Variants in SUPV3L1 observed in about 807,000 individuals in gnomAD.
SUPV3L1 encodes the protein ATP-dependent RNA helicase SUPV3L1, mitochondrial.
Under a neutral mutation model 70.0 loss-of-function variants are expected in SUPV3L1, and 35 were observed. The ratio of observed to expected loss-of-function variants is 0.50; its 90% CI spans 0.38 to 0.66. SUPV3L1 has a LOEUF of 0.66. Among genes scored for constraint, SUPV3L1 ranks in the 30% least tolerant of loss-of-function variants. The probability of loss-of-function intolerance (pLI) is 0.00; values close to 1 mark genes in which losing one functional copy is unlikely to be tolerated. For missense variants in SUPV3L1, 777 were observed against 961.5 expected (o/e 0.81, Z 2.54); for synonymous variants, 364 against 341.9 (o/e 1.06, Z -0.71).
chr10:69,184,616 T>TACACACACACACACACACACACACAC (rs59328806), intron 1 of SUPV3L1, among the ~76,000 whole-genome samples: 3 of 146,062 alleles, frequency 2.1e-5, no homozygotes, highest in Non-Finnish European at 3.0e-5. Flanking sequence ...GAAATATAAA[T>TACACACACACACACACACACACACAC]ACACACACAC....
At chr10:69,180,836 T>G (rs1445334659) in intron 1 of SUPV3L1, among the ~76,000 whole-genome samples, 1 of 152,178 alleles carries the variant, frequency 6.6e-6, no homozygotes. Flanking sequence ...GTTGGGAAGA[T>G]TTGACTTTTT....
chr10:69,190,240 T>C (rs1842357811), intron 5 of SUPV3L1, among the ~76,000 whole-genome samples: 1 of 152,214 alleles, frequency 6.6e-6, no homozygotes, highest in Admixed American at 6.5e-5. Context: ...TTACCTTTTA[T>C]AGATTAGACC....
At position 69,198,104 on chromosome 10, in the gene SUPV3L1, C is replaced by G. The variant is rs10998636; in HGVS notation, c.1024-268C>G. On this transcript the variant is annotated intron_variant, in intron 8 of 14. Coordinates refer to ENST00000359655, the MANE Select transcript of SUPV3L1 (RefSeq NM_003171.5). The stretch of plus-strand genomic sequence containing the variant: ...GTTAATAACCTTTCTGAACTTAACA[C>G]ATTGCCGTGAAAATGAAATATATGA... Among the ~76,000 whole-genome samples, 6,348 of 152,222 alleles carry G rather than the reference C, an allele frequency of 0.042. 465 individuals are homozygous for G. Among genetic ancestry groups the G allele is most frequent in the African/African-American group, 0.14 (5,975 of 41,506 alleles).
At chr10:69,208,052 T>TA (rs774240214) in intron 14 of SUPV3L1, 111 bp downstream of exon 14, 1 of 1,305,242 alleles carries the variant, frequency 7.7e-7, no homozygotes, top group Non-Finnish European at 1.1e-6. Context: ...AGATGCTCTA[T>TA]ATTATGTCTA....
intron 10 of SUPV3L1, 106 bp from the exon 11 acceptor site, chr10:69,200,174 G>A (rs971781676): frequency 4.6e-6 from 4 of 862,272 alleles, no homozygotes; most frequent in Non-Finnish European, 7.1e-6. Flanking sequence ...TGGCAGTCAA[G>A]GTTGCAAGAG....
chr10:69,185,380 C>T (rs1221514220), intron 1 of SUPV3L1, among the ~76,000 whole-genome samples: 1 of 152,198 alleles, frequency 6.6e-6, no homozygotes, highest in East Asian at 1.9e-4. Flanking sequence ...AAGTGAATGA[C>T]AGTGTGGCTC....
intron 7 of SUPV3L1, among the ~76,000 whole-genome samples, chr10:69,196,470 C>T (rs1014222829): frequency 6.6e-6 from 1 of 151,486 alleles, no homozygotes; most frequent in African/African-American, 2.4e-5. Context: ...CACTGCACTC[C>T]AGCCTGGGCG....
intron 4 of SUPV3L1, 87 bp from the exon 5 acceptor site, chr10:69,189,180 T>G: frequency 7.1e-7 from 1 of 1,399,940 alleles, no homozygotes; most frequent in Non-Finnish European, 9.7e-7. Flanking sequence ...AAGAGGATAT[T>G]TCATTTGGAA....
At chr10:69,196,504 G>GA (rs570659205) in intron 7 of SUPV3L1, among the ~76,000 whole-genome samples, 87 of 134,476 alleles carry the variant, frequency 6.5e-4, no homozygotes, top group Admixed American at 1.6e-3. Flanking sequence ...CTGTCTCATG[G>GA]AAAAAAAAAA....
At chr10:69,204,000 C>T (rs1478726134) in intron 13 of SUPV3L1, among the ~76,000 whole-genome samples, 9 of 152,132 alleles carry the variant, frequency 5.9e-5, no homozygotes, top group Non-Finnish European at 1.0e-4. Flanking sequence ...GCTGGGATTA[C>T]AGGCATGAGC....
At chr10:69,195,397 G>A in intron 7 of SUPV3L1, 132 bp downstream of exon 7, 1 of 470,344 alleles carries the variant, frequency 2.1e-6, no homozygotes. Context: ...AGTAAACTAA[G>A]TATGAGTTTT....
In SUPV3L1 at chr10:69,208,654, A is replaced by G; in HGVS notation, c.1980A>G (p.Lys660=). The change falls in exon 15 of 15, where the codon AAA becomes AAG. Residue 660 remains lysine (K), a synonymous_variant. Transcript: ENST00000359655. The stretch of plus-strand genomic sequence containing the variant: ...CCAGCCTTATTCGAGATCTCCAGAA[A>G]GAACTAGATGGTATTATCCAAGATG... ...PDASLIRDLQ[K]ELDGIIQDGV... is the part of the protein sequence containing the mutation. 6.2e-7 allele frequency: 1 copy of G among 1,613,914 alleles called. No homozygotes were observed.
intron 6 of SUPV3L1, chr10:69,192,399 T>C (rs2132282292): frequency 6.6e-6 from 1 of 152,370 alleles, no homozygotes; most frequent in South Asian, 2.1e-4. Flanking sequence ...CTGTCTCTTT[T>C]CAGGATATAT....
At chr10:69,184,416 TC>T (rs1432121790) in intron 1 of SUPV3L1, among the ~76,000 whole-genome samples, 1 of 152,140 alleles carries the variant, frequency 6.6e-6, no homozygotes, top group Non-Finnish European at 1.5e-5. Flanking sequence ...ATGCCTGTAA[TC>T]CCAGCTACTT....
intron 1 of SUPV3L1, among the ~76,000 whole-genome samples, chr10:69,183,481 C>A (rs776183124): frequency 6.6e-6 from 1 of 152,168 alleles, no homozygotes; most frequent in Non-Finnish European, 1.5e-5. Flanking sequence ...GAGCTCAAGA[C>A]GAGCTTGGGC....
Position 69,183,630 on chromosome 10 carries a change from C to T in SUPV3L1, c.272-2357C>T, listed in dbSNP as rs149550364. Among the ~76,000 whole-genome samples the T allele has an allele frequency of 3.6e-3, 546 of 151,988 alleles. 1 individual carries two copies. The highest frequency in any genetic ancestry group is 7.7e-3 in the Admixed American group (118 of 15,258). ...GGTAGTAGTAGAGGTTGCAGTGAGC[C>T]GAGATTGCACCACCACACTCCAGCC... On this transcript the variant is annotated intron_variant, in intron 1 of 14. Coordinates refer to ENST00000359655, the MANE Select transcript of SUPV3L1 (RefSeq NM_003171.5).
At chr10:69,184,453 T>G (rs564774703) in intron 1 of SUPV3L1, among the ~76,000 whole-genome samples, 1 of 152,302 alleles carries the variant, frequency 6.6e-6, no homozygotes, top group East Asian at 1.9e-4. Context: ...GAGAATCTCT[T>G]GAGCCCGAAA....
rs1244935577 is a variant in SUPV3L1, at chr10:69,186,000, G to T, written c.285G>T (p.Lys95Asn). The change falls in exon 2 of 15, where the codon AAG becomes AAT. Residue 95 changes from lysine (K) to asparagine (N), a missense_variant. Physicochemically the swap from Lys to Asn is moderately conservative, Grantham distance 94 (BLOSUM62 0). Coordinates refer to ENST00000359655, the MANE Select transcript of SUPV3L1 (RefSeq NM_003171.5). ...TCTCTCTTCTAGATGAAGTAAAGAA[G>T]GTCTTAGACAAATTTTACAAGAGGA... ...TRPLDKNEVK[K>N]VLDKFYKRKE... 2 of 1,612,586 alleles carry T rather than the reference G, an allele frequency of 1.2e-6. No individual in the cohort carries two copies.
At chr10:69,184,652 C>CACTG in intron 1 of SUPV3L1, among the ~76,000 whole-genome samples, 1 of 149,774 alleles carries the variant, frequency 6.7e-6, no homozygotes, top group Admixed American at 6.6e-5. Flanking sequence ...CACACACACA[C>CACTG]TGTGTGTGTA....
Sources: gnomAD v4.1 joint callset for allele counts (sites outside exome capture counted in the v4.1 genomes callset) on GRCh38, gnomAD v4.1.1 for gene constraint, MANE v1.5 for transcripts, NCBI Gene and HGNC (gene_info 2026-07-23, HGNC 2026-07-21) for gene names.